The following RYR1 variants were observed in gnomAD, a reference collection of about 807,000 sequenced individuals.
RYR1 encodes ryanodine receptor 1, also known as central core disease of muscle.
RYR1 carries 342 observed loss-of-function variants against 583.5 expected under a neutral mutation model. The ratio of observed to expected loss-of-function variants is 0.59; its 90% CI spans 0.54 to 0.64. The LOEUF is 0.64. Among genes scored for constraint, RYR1 ranks in the 30% least tolerant of loss-of-function variants. RYR1 has a pLI of 0.00. For synonymous variants in RYR1, 2,791 were observed against 2,822.5 expected (o/e 0.99, Z 0.35); for missense variants, 6,032 against 6,917.2 (o/e 0.87, Z 4.54).
chr19:38,486,943 A>G (rs1392493387), intron 34 of RYR1, among the ~76,000 whole-genome samples: 3 of 152,062 alleles, frequency 2.0e-5, no homozygotes, highest in African/African-American at 7.2e-5. Flanking sequence ...TCATTCATTC[A>G]TGTACCCATC....
chr19:38,459,622 G>A (rs146906767), intron 19 of RYR1, among the ~76,000 whole-genome samples: 14 of 151,870 alleles, frequency 9.2e-5, no homozygotes, highest in African/African-American at 1.7e-4. Flanking sequence ...AGGTTCTTCC[G>A]GTGACCTCCC....
chr19:38,563,511 C>T (rs568956248), intron 90 of RYR1, among the ~76,000 whole-genome samples: 16 of 152,318 alleles, frequency 1.1e-4, no homozygotes, highest in South Asian at 1.0e-3. Flanking sequence ...GTGATCCGCC[C>T]GCCTCGGCCT....
In RYR1 at chr19:38,536,029, A is replaced by G. The variant is rs1364275202; in HGVS notation, c.11549A>G (p.Asn3850Ser). 5.0e-6 allele frequency: 8 copies of G among 1,613,950 alleles called. No individual in the cohort carries two copies. Among genetic ancestry groups the G allele is most frequent in the Non-Finnish European group, 6.8e-6 (8 of 1,179,982 alleles). The change falls in exon 82 of 106, where the codon AAC becomes AGC. Residue 3850 changes from asparagine (N) to serine (S), a missense_variant. Asn to Ser is a conservative substitution (Grantham distance 46). This residue lies in a region of RYR1 where 1,493 missense variants were observed against 1,715.5 expected (regional missense o/e 0.87). Coordinates refer to ENST00000359596, the MANE Select transcript of RYR1 (RefSeq NM_000540.3). ...VLDLNAFERQ[N>S]KAEGLGMVNE... ...GATCTCAATGCCTTTGAGAGACAGA[A>G]CAAGGCCGAGGGGCTGGGCATGGTG...
In RYR1 at chr19:38,444,861, C is replaced by T. The variant is rs1972863602; in HGVS notation, c.631+184C>T. ...CCAGACCCCCAGAGCTCAGAACCCCCCCAAACCCCGAACTAAATATCAGGC... is the reference window on the plus strand; with the variant it reads ...CCAGACCCCCAGAGCTCAGAACCCCTCCAAACCCCGAACTAAATATCAGGC... On this transcript the variant is annotated intron_variant, in intron 7 of 105. Coordinates refer to ENST00000359596, the MANE Select transcript of RYR1 (RefSeq NM_000540.3). The surrounding 1 kb of genome is among the most constrained non-coding windows in gnomAD (Gnocchi z 5.1). Among the ~76,000 whole-genome samples, 1 of 151,498 alleles carries T rather than the reference C, an allele frequency of 6.6e-6. No homozygotes were observed. Among genetic ancestry groups the T allele is most frequent in the African/African-American group, 2.4e-5 (1 of 41,214 alleles).
In RYR1 at chr19:38,444,596, G is replaced by A. The variant is rs766256366; in HGVS notation, c.550G>A (p.Ala184Thr). The change falls in exon 7 of 106, where the codon GCC (alanine) becomes ACC (threonine). Residue 184 changes from alanine (A) to threonine (T), a missense_variant. By Grantham distance (58) the Ala-to-Thr change is moderately conservative. Coordinates refer to ENST00000359596, the MANE Select transcript of RYR1 (RefSeq NM_000540.3). This position sits in a 1 kb window ranked among gnomAD's most constrained non-coding sequence, Gnocchi z 5.1. ...TGGTGGCCCCCAGCACCTGTCGACCGCCAGTGGGGAGCTCCAGGTTGACGC... is the reference window on the plus strand; with the variant it reads ...TGGTGGCCCCCAGCACCTGTCGACCACCAGTGGGGAGCTCCAGGTTGACGC... ...SSERYLHLSTASGELQVDASF... is the reference protein window; with the variant it reads ...SSERYLHLSTTSGELQVDASF... 1.4e-5 allele frequency: 23 copies of A among 1,613,540 alleles called. No individual in the cohort carries two copies. Among genetic ancestry groups the A allele is most frequent in the East Asian group, 1.3e-4 (6 of 44,884 alleles).
intron 60 of RYR1, 42 bp from the exon 61 acceptor site, chr19:38,511,519 C>T (rs762220321): frequency 2.5e-6 from 4 of 1,610,496 alleles, no homozygotes; most frequent in Non-Finnish European, 3.4e-6. Flanking sequence ...GGCCTCCTCA[C>T]TCGCTGTTTC....
intron 102 of RYR1, 47 bp downstream of exon 102, chr19:38,585,146 C>T: frequency 6.2e-7 from 1 of 1,600,916 alleles, no homozygotes; most frequent in Non-Finnish European, 8.5e-7. Flanking sequence ...AGGCTAGCTC[C>T]ATGGCTAAGA....
chr19:38,555,082 C>G (rs1315297527), intron 89 of RYR1, among the ~76,000 whole-genome samples: 1 of 152,064 alleles, frequency 6.6e-6, no homozygotes, highest in Non-Finnish European at 1.5e-5. Context: ...CACCCCAGCC[C>G]CCGGTAACCA....
At position 38,548,402 on chromosome 19, in the gene RYR1, CAAG is replaced by C. The variant is rs1255439782; in HGVS notation, c.12268_12270del (p.Lys4090del). 2 of 1,613,634 alleles carry C rather than the reference CAAG, an allele frequency of 1.2e-6. No homozygotes were observed. Among genetic ancestry groups the C allele is most frequent in the South Asian group, 1.1e-5 (1 of 91,080 alleles). On this transcript the variant is annotated inframe_deletion, in exon 89 of 106. Coordinates refer to ENST00000359596, the MANE Select transcript of RYR1 (RefSeq NM_000540.3). ...TAACGGATCCCCGTGGCCTCATCTC[CAAG>C]AAGGACTTCCAGAAGGTGGGTGTGG...
In RYR1 at chr19:38,490,058, A is replaced by T; in HGVS notation, c.5815-18A>T. The T allele has an allele frequency of 1.2e-6, 2 of 1,613,184 alleles. No individual in the cohort carries two copies. Among genetic ancestry groups the T allele is most frequent in the Non-Finnish European group, 1.7e-6 (2 of 1,179,806 alleles). On this transcript the variant is annotated intron_variant, in intron 35 of 105. Transcript: ENST00000359596. ...GTCTCACCTCCATCTCTCCTCCCAC[A>T]CGGCTGTCCTTCCACAGATGTGCCA...
intron 55 of RYR1, 46 bp from the exon 56 acceptor site, chr19:38,506,425 G>T (rs771060087): frequency 1.9e-6 from 3 of 1,613,724 alleles, no homozygotes; most frequent in Non-Finnish European, 2.5e-6. Flanking sequence ...CTTTGGGGGG[G>T]CTGGCATCCT....
rs201147958 is a variant in RYR1, at chr19:38,575,921, C to T, written c.14132C>T (p.Ser4711Phe). The T allele has an allele frequency of 6.2e-7, 1 of 1,614,080 alleles. No individual in the cohort carries two copies. Among genetic ancestry groups the T allele is most frequent in the African/African-American group, 1.3e-5 (1 of 74,932 alleles). The change falls in exon 97 of 106, where the codon TCT (serine) becomes TTT (phenylalanine). Residue 4711 changes from serine to phenylalanine, a missense_variant and splice_region_variant. Physicochemically the swap from Ser to Phe is radical, Grantham distance 155. This residue lies in a region of RYR1 where 188 missense variants were observed against 215.6 expected (regional missense o/e 0.87). Coordinates refer to ENST00000359596, the MANE Select transcript of RYR1 (RefSeq NM_000540.3). ...GCTTTCTCTCTCTCTCTCTGCAGGT[C>T]TTTCCCTAGCAACTACTGGGACAAG... ...QWDRLVLNTP[S>F]FPSNYWDKFV... is the part of the protein sequence containing the mutation.
rs1972518441 is a variant in RYR1 at position 38,548,290 on chromosome 19, C to T, written c.12152C>T (p.Ser4051Leu). 1.9e-6 allele frequency: 3 copies of T among 1,614,234 alleles called. No homozygotes were observed. The highest frequency in any genetic ancestry group is 1.1e-5 in the South Asian group (1 of 91,088). Residue 4051 changes from serine (S) to leucine (L), a missense_variant, in exon 89 of 106, where the codon TCA (serine) becomes TTA (leucine). By Grantham distance (145) the Ser-to-Leu change is moderately radical (BLOSUM62 -2). This residue lies in a region of RYR1 where 753 missense variants were observed against 759.6 expected (regional missense o/e 0.99). Transcript: ENST00000359596. ...RQMVDMLVES[S>L]SNVEMILKFF... ...ATGGTGGACATGCTCGTGGAATCCT[C>T]ATCCAATGTGGAGATGATCCTCAAG...
In RYR1 at chr19:38,543,482, G is replaced by A. The variant is rs773409929; in HGVS notation, c.11778+47G>A. The A allele has an allele frequency of 3.1e-6, 5 of 1,614,202 alleles. No homozygotes were observed. The highest frequency in any genetic ancestry group is 2.2e-5 in the South Asian group (2 of 91,080). Reference sequence around the variant, plus strand: ...GGTGTGACTTGGGTCGGGGGCTGCAGGGCCATGGTCGGCCCCAGCACCCCC... The same window carrying A: ...GGTGTGACTTGGGTCGGGGGCTGCAAGGCCATGGTCGGCCCCAGCACCCCC... On this transcript the variant is annotated intron_variant, in intron 85 of 105. Transcript: ENST00000359596. The surrounding 1 kb of genome is among the most constrained non-coding windows in gnomAD (Gnocchi z 4.4).
intron 48 of RYR1, 69 bp downstream of exon 48, chr19:38,502,796 G>GGCAGGA (rs1568506631): frequency 9.6e-7 from 1 of 1,043,494 alleles, no homozygotes; most frequent in Non-Finnish European, 1.3e-6. Context: ...CAGGGGCAGG[G>GGCAGGA]GCAGGGGCAG....
Position 38,567,890 on chromosome 19 carries a change from A to G in RYR1, c.13632A>G (p.Glu4544=), listed in dbSNP as rs143887810. 5 of 1,613,660 alleles carry G rather than the reference A, an allele frequency of 3.1e-6. No homozygotes were observed. In the African/African-American group the frequency reaches 5.3e-5, roughly 17 times the overall value. ...AAGCTGGAGGCGAATTCTGGGGAGAACTGGAGGTGCAGAGGGTGAAGTTCC... is the reference window on the plus strand; with the variant it reads ...AAGCTGGAGGCGAATTCTGGGGAGAGCTGGAGGTGCAGAGGGTGAAGTTCC... ...KEEAGGEFWG[E]LEVQRVKFLN... is the part of the protein sequence containing the mutation. Residue 4544 remains glutamate, a synonymous_variant, in exon 93 of 106, where the codon GAA becomes GAG. Transcript: ENST00000359596.
chr19:38,519,402 C>T lies in RYR1; in HGVS notation c.10207C>T (p.Arg3403Trp), dbSNP rs373251185. The T allele has an allele frequency of 1.0e-5, 16 of 1,603,260 alleles. No homozygotes were observed. In the East Asian group the frequency reaches 1.1e-4, roughly 11 times the overall value. ...LVRDEFSVLC[R>W]DLYALYPLLI... Reference sequence around the variant, plus strand: ...GCGGGACGAGTTCTCTGTGCTCTGCCGGGACCTCTACGCCCTGTATCCGCT... The same window carrying T: ...GCGGGACGAGTTCTCTGTGCTCTGCTGGGACCTCTACGCCCTGTATCCGCT... Residue 3403 changes from arginine (R) to tryptophan (W), a missense_variant, in exon 67 of 106, where the codon CGG becomes TGG. Arg to Trp is a moderately radical substitution (Grantham distance 101). Around this residue, in one of 11 missense-constraint regions of RYR1, gnomAD observed 1,493 missense variants for 1,715.5 expected, o/e 0.87. Coordinates refer to ENST00000359596, the MANE Select transcript of RYR1 (RefSeq NM_000540.3).
At position 38,446,434 on chromosome 19, in the gene RYR1, C is replaced by T. The variant is rs778955452; in HGVS notation, c.632-38C>T. ...TTGGCTCCTGGTCTTCCTGGGGCTC[C>T]AGCCTCCCATTGACCAACTTCCCTT... On this transcript the variant is annotated intron_variant, in intron 7 of 105. Coordinates refer to ENST00000359596, the MANE Select transcript of RYR1 (RefSeq NM_000540.3). The T allele has an allele frequency of 3.3e-6, 5 of 1,496,556 alleles. No homozygotes were observed. In the South Asian group the frequency reaches 5.6e-5, roughly 17 times the overall value. The allele number at this position is 1,496,556 out of a possible 1,614,324, so 92.7% of individuals were successfully genotyped here. A position where few individuals can be genotyped will look rare whatever the true frequency, so the allele number is the denominator to read the frequency against.
In RYR1 at chr19:38,467,683, C is replaced by T. The variant is rs144164620; in HGVS notation, c.3252C>T (p.Ser1084=). The T allele has an allele frequency of 3.8e-5, 61 of 1,614,072 alleles. 1 individual carries two copies. The highest frequency in any genetic ancestry group is 4.1e-5 in the Non-Finnish European group (48 of 1,180,042). Reference sequence around the variant, plus strand: ...CAGAGAAATCCTATACAGTGCAGAGCGGCCGCTGGTACTTCGAGTTTGAAG... The same window carrying T: ...CAGAGAAATCCTATACAGTGCAGAGTGGCCGCTGGTACTTCGAGTTTGAAG... ...FRAEKSYTVQ[S]GRWYFEFEAV... The change falls in exon 25 of 106, where the codon AGC becomes AGT. Residue 1084 remains serine (S), a synonymous_variant. Coordinates refer to ENST00000359596, the MANE Select transcript of RYR1 (RefSeq NM_000540.3).
Sources: gnomAD v4.1 joint callset for allele counts (sites outside exome capture counted in the v4.1 genomes callset) on GRCh38, gnomAD v4.1.1 for gene constraint, gnomAD v4.1.1 regional missense constraint, Gnocchi (gnomAD v3.1) non-coding constraint, MANE v1.5 for transcripts, NCBI Gene and HGNC (gene_info 2026-07-23, HGNC 2026-07-21) for gene names.